The following PAPSS1 variants were observed in gnomAD, a reference collection of about 807,000 sequenced individuals.
PAPSS1 encodes bifunctional 3'-phosphoadenosine 5'-phosphosulfate synthase 1.
In PAPSS1, 50 loss-of-function variants were observed where a neutral mutation model predicts 72.0. The observed-to-expected ratio is 0.69, with a 90% CI of 0.55 to 0.88. The LOEUF is 0.88. PAPSS1 is among the 40% of genes least tolerant of loss of function. The probability of loss-of-function intolerance (pLI) is 0.00; values close to 1 mark genes in which losing one functional copy is unlikely to be tolerated. For missense variants in PAPSS1, 657 were observed against 782.2 expected, an observed-to-expected ratio of 0.84 and a Z score of 1.91; for synonymous variants, 261 against 263.6, an observed-to-expected ratio of 0.99 and a Z score of 0.09.
At chr4:107,671,097 G>A (rs918320758) in intron 5 of PAPSS1, among the ~76,000 whole-genome samples, 1 of 152,108 alleles carries the variant, frequency 6.6e-6, no homozygotes, top group Non-Finnish European at 1.5e-5. Flanking sequence ...GCAAAGTCCT[G>A]TGCATCATAA....
intron 3 of PAPSS1, among the ~76,000 whole-genome samples, chr4:107,692,271 A>G (rs114404363): frequency 0.016 from 2,371 of 152,302 alleles, 67 homozygotes; most frequent in African/African-American, 0.053. Flanking sequence ...ACAGAATGGG[A>G]TCAACAAGGA....
intron 5 of PAPSS1, among the ~76,000 whole-genome samples, chr4:107,672,026 T>C (rs1467148481): frequency 6.6e-6 from 1 of 151,714 alleles, no homozygotes; most frequent in African/African-American, 2.4e-5. Flanking sequence ...AAAACTACAA[T>C]CAAAACGAAA....
intron 7 of PAPSS1, 50 bp downstream of exon 7, chr4:107,656,846 T>C (rs773275658): frequency 2.4e-6 from 3 of 1,247,000 alleles, no homozygotes; most frequent in African/African-American, 2.9e-5. Context: ...TCTGCAACTA[T>C]GTAATTTCTC....
intron 11 of PAPSS1, among the ~76,000 whole-genome samples, chr4:107,619,357 T>G (rs544583016): frequency 2.0e-5 from 3 of 152,292 alleles, no homozygotes; most frequent in African/African-American, 7.2e-5. Context: ...GAATGGGAGT[T>G]TCCACTTCCA....
At chr4:107,660,590 G>A (rs1408802712) in intron 5 of PAPSS1, among the ~76,000 whole-genome samples, 1 of 152,206 alleles carries the variant, frequency 6.6e-6, no homozygotes, top group African/African-American at 2.4e-5. Context: ...ACGAAATGCA[G>A]CCTGGAATTT....
At chr4:107,720,062 AC>A in intron 1 of PAPSS1, 57 bp downstream of exon 1, 1 of 1,576,332 alleles carries the variant, frequency 6.3e-7, no homozygotes, top group Non-Finnish European at 8.6e-7. Flanking sequence ...CGGCTCCGGA[AC>A]GAGCTGCTCC....
chr4:107,622,474 T>G (rs1308482972), intron 11 of PAPSS1, among the ~76,000 whole-genome samples: 1 of 152,246 alleles, frequency 6.6e-6, no homozygotes, highest in Non-Finnish European at 1.5e-5. Flanking sequence ...TCACTTTTAT[T>G]TTATTTCCAG....
rs867317038 is a variant in PAPSS1, at chr4:107,659,083, A to C, written c.783+876T>G. ...TCACTCCATGCAGTCTGTAAGCAAC[A>C]AATTCTGTTGTTCTTATGTAACAGT... On this transcript the variant is annotated intron_variant, in intron 6 of 11. Coordinates refer to ENST00000265174, the MANE Select transcript of PAPSS1 (RefSeq NM_005443.5). 1.8e-4 allele frequency among the ~76,000 whole-genome samples: 27 copies of C among 152,292 alleles called. No individual in the cohort carries two copies. The Middle Eastern group carries it at 0.017, about 96-fold the overall frequency.
At chr4:107,643,864 C>CAT (rs1236058190) in intron 10 of PAPSS1, among the ~76,000 whole-genome samples, 1 of 151,970 alleles carries the variant, frequency 6.6e-6, no homozygotes, top group East Asian at 1.9e-4. Context: ...TATACTTTCT[C>CAT]ATATATATAT....
intron 5 of PAPSS1, among the ~76,000 whole-genome samples, chr4:107,681,181 G>C (rs1054254429): frequency 6.6e-6 from 1 of 152,010 alleles, no homozygotes; most frequent in African/African-American, 2.4e-5. Context: ...ATTAAGAGGG[G>C]GTTCAAACTC....
intron 5 of PAPSS1, among the ~76,000 whole-genome samples, chr4:107,661,677 AAAC>A (rs1235501739): frequency 3.3e-5 from 5 of 152,226 alleles, no homozygotes; most frequent in Non-Finnish European, 7.3e-5. Context: ...AAACAATACA[AAAC>A]AACAAAAAAT....
chr4:107,651,885 A>G (rs571578047), intron 9 of PAPSS1, among the ~76,000 whole-genome samples: 1 of 152,302 alleles, frequency 6.6e-6, no homozygotes, highest in South Asian at 2.1e-4. Flanking sequence ...TGCTTTAGGT[A>G]CCATCAATAT....
In PAPSS1 at chr4:107,614,260, C is replaced by T. The variant is rs142192388; in HGVS notation, c.1864G>A (p.Glu622Lys). 31 of 1,613,130 alleles carry T rather than the reference C, an allele frequency of 1.9e-5. No individual in the cohort carries two copies. Among genetic ancestry groups the T allele is most frequent in the Non-Finnish European group, 2.5e-5 (30 of 1,179,558 alleles). ...TVLTEYYKSL[E>K]KA ...ACTGGGTTAACAGCCTAAGCTTTCT[C>T]CAAGGATTTGTAGTATTCTGTCAGC... The change falls in exon 12 of 12, where the codon GAG becomes AAG. Residue 622 changes from glutamate to lysine, a missense_variant. Glu to Lys is a moderately conservative substitution (Grantham distance 56). Around this residue, in one of 7 missense-constraint regions of PAPSS1, gnomAD observed 103 missense variants for 93.8 expected, o/e 1.10. Transcript: ENST00000265174.
chr4:107,675,803 G>A lies in PAPSS1; in HGVS notation c.669+6212C>T, dbSNP rs193174704. 1.8e-3 allele frequency among the ~76,000 whole-genome samples: 281 copies of A among 152,158 alleles called. 1 individual carries two copies. Among genetic ancestry groups the A allele is most frequent in the Admixed American group, 4.0e-3 (61 of 15,270 alleles). On this transcript the variant is annotated intron_variant, in intron 5 of 11. Transcript: ENST00000265174. Reference sequence around the variant, plus strand: ...ATCCTCAATAAAATACTGGCAAACCGAATCCAGCAGCACATCAAAAAGCTT... The same window carrying A: ...ATCCTCAATAAAATACTGGCAAACCAAATCCAGCAGCACATCAAAAAGCTT...
chr4:107,697,789 C>G (rs1016395822), intron 2 of PAPSS1, among the ~76,000 whole-genome samples: 3 of 152,144 alleles, frequency 2.0e-5, no homozygotes, highest in Admixed American at 1.3e-4. Context: ...CATGTCCACC[C>G]AGAACCTCAG....
chr4:107,633,491 T>C (rs1726274682), intron 10 of PAPSS1, among the ~76,000 whole-genome samples: 2 of 152,138 alleles, frequency 1.3e-5, no homozygotes, highest in Admixed American at 1.3e-4. Flanking sequence ...CTAACCTGCT[T>C]CATGACCACA....
chr4:107,710,263 G>C (rs1723453504), intron 1 of PAPSS1, among the ~76,000 whole-genome samples: 2 of 152,098 alleles, frequency 1.3e-5, no homozygotes, highest in South Asian at 4.1e-4. Flanking sequence ...ACACAGGAGA[G>C]AGAAACCAAG....
chr4:107,617,855 G>C (rs1725861092), intron 11 of PAPSS1, among the ~76,000 whole-genome samples: 1 of 152,190 alleles, frequency 6.6e-6, no homozygotes, highest in Non-Finnish European at 1.5e-5. Flanking sequence ...AGTCGACCAT[G>C]ATATACGGGT....
chr4:107,675,606 C>A (rs1161328190), intron 5 of PAPSS1, among the ~76,000 whole-genome samples: 3 of 152,150 alleles, frequency 2.0e-5, no homozygotes, highest in African/African-American at 7.2e-5. Context: ...ACCAGAGGTA[C>A]AAGGAGGAGC....
Sources: gnomAD v4.1 joint callset for allele counts (sites outside exome capture counted in the v4.1 genomes callset) on GRCh38, gnomAD v4.1.1 for gene constraint, gnomAD v4.1.1 regional missense constraint, MANE v1.5 for transcripts, NCBI Gene and HGNC (gene_info 2026-07-23, HGNC 2026-07-21) for gene names.